Variants in LIG1 observed in about 807,000 individuals in gnomAD.
The protein encoded by LIG1 is DNA ligase 1.
LIG1 carries 70 observed loss-of-function variants against 115.7 expected under a neutral mutation model. The ratio of observed to expected loss-of-function variants is 0.60; its 90% CI spans 0.50 to 0.74. The LOEUF is 0.74. Ranked by LOEUF, LIG1 falls within the 30% of genes least tolerant of loss-of-function variation. The pLI is 0.00. For missense variants in LIG1, 1,115 were observed against 1,225.6 expected, an observed-to-expected ratio of 0.91 and a Z score of 1.35; for synonymous variants, 487 against 495.3, an observed-to-expected ratio of 0.98 and a Z score of 0.22.
chr19:48,161,120 G>GA, intron 4 of LIG1: 1 of 566,514 alleles, frequency 1.8e-6, no homozygotes, highest in Non-Finnish European at 3.2e-6. Context: ...ACCCTATGAG[G>GA]AAGGTGTTAC....
intron 9 of LIG1, 66 bp downstream of exon 9, chr19:48,149,697 G>C (rs2035344110): frequency 1.6e-6 from 2 of 1,272,562 alleles, no homozygotes; most frequent in East Asian, 4.7e-5. Flanking sequence ...CTGGGGGTGG[G>C]GCTGTCGGAA....
chr19:48,155,345 G>A (rs557629038), intron 5 of LIG1, among the ~76,000 whole-genome samples: 141 of 152,202 alleles, frequency 9.3e-4, no homozygotes, highest in Non-Finnish European at 1.2e-3. Context: ...TTCCCAGGTC[G>A]CATCCGATTC....
At position 48,123,261 on chromosome 19, in the gene LIG1, C is replaced by T; in HGVS notation, c.2062G>A (p.Glu688Lys). ...RRQLLRENFV[E>K]TEGEFVFATS... ...GCGAAGACAAACTCGCCCTCTGTCT[C>T]CACAAAGTTCTCCCGGAGCAGCTGC... Residue 688 changes from glutamate (E) to lysine (K), a missense_variant, in exon 22 of 28, where the codon GAG becomes AAG. Transcript: ENST00000263274. 1 of 1,614,150 alleles carries T rather than the reference C, an allele frequency of 6.2e-7. No individual in the cohort carries two copies. The highest frequency in any genetic ancestry group is 8.5e-7 in the Non-Finnish European group (1 of 1,180,034).
intron 9 of LIG1, among the ~76,000 whole-genome samples, chr19:48,148,914 G>A (rs2035300456): frequency 6.6e-6 from 1 of 152,248 alleles, no homozygotes; most frequent in African/African-American, 2.4e-5. Context: ...GGCTCTCTAT[G>A]GTTCATCCTC....
chr19:48,126,044 T>A (rs1481313902), intron 21 of LIG1, among the ~76,000 whole-genome samples: 1 of 152,046 alleles, frequency 6.6e-6, no homozygotes, highest in Non-Finnish European at 1.5e-5. Context: ...CTAATTTTTT[T>A]TGAGAGCTTC....
At chr19:48,131,498 G>A (rs956429521) in intron 18 of LIG1, among the ~76,000 whole-genome samples, 2 of 152,028 alleles carry the variant, frequency 1.3e-5, no homozygotes, top group Non-Finnish European at 2.9e-5. Flanking sequence ...GCGGAGTCTC[G>A]CCCAGGCTGG....
At chr19:48,153,259 T>C (rs1324119282) in intron 6 of LIG1, among the ~76,000 whole-genome samples, 1 of 151,018 alleles carries the variant, frequency 6.6e-6, no homozygotes, top group Non-Finnish European at 1.5e-5. Context: ...TATCTAATAG[T>C]TGTTTGGACA....
chr19:48,149,800 C>T lies in LIG1; in HGVS notation c.739G>A (p.Glu247Lys), dbSNP rs749385366. Residue 247 changes from glutamate (E) to lysine (K), a missense_variant, in exon 9 of 28, where the codon GAG (glutamate) becomes AAG (lysine). Transcript: ENST00000263274. ...PAVKKEVKEE[E>K]PGAPGKEGAA... ...CCCTCCTTTCCTGGAGCCCCTGGCT[C>T]CTCTTCCTTCACTTCTTTTTTGACT... 1.2e-6 allele frequency: 2 copies of T among 1,614,158 alleles called. No individual in the cohort carries two copies. The highest frequency in any genetic ancestry group is 4.5e-5 in the East Asian group (2 of 44,882).
rs1336908100 is a variant in LIG1 at position 48,123,271 on chromosome 19, C to G, written c.2052G>C (p.Glu684Asp). The change falls in exon 22 of 28, where the codon GAG becomes GAC. Residue 684 changes from glutamate to aspartate, a missense_variant. Transcript: ENST00000263274. ...PLSRRRQLLR[E>D]NFVETEGEFV... ...ACTCGCCCTCTGTCTCCACAAAGTT[C>G]TCCCGGAGCAGCTGCCGGCGCCGGG... is the stretch of plus-strand genomic sequence containing the variant. 6.2e-7 allele frequency: 1 copy of G among 1,614,118 alleles called. No homozygotes were observed. The highest frequency in any genetic ancestry group is 8.5e-7 in the Non-Finnish European group (1 of 1,180,024).
At chr19:48,147,820 TA>T (rs2035215408) in intron 9 of LIG1, among the ~76,000 whole-genome samples, 1 of 125,742 alleles carries the variant, frequency 8.0e-6, no homozygotes, top group South Asian at 2.7e-4. Context: ...CATGATTGAC[TA>T]GTGAAAAAAA....
chr19:48,161,620 C>G, intron 3 of LIG1, 113 bp from the exon 4 acceptor site: 2 of 1,274,988 alleles, frequency 1.6e-6, no homozygotes, highest in Non-Finnish European at 2.2e-6. Flanking sequence ...TTTCAAGCAT[C>G]CAATGAACAT....
At chr19:48,135,832 C>T in intron 15 of LIG1, 53 bp from the exon 16 acceptor site, 1 of 1,503,580 alleles carries the variant, frequency 6.7e-7, no homozygotes, top group Admixed American at 1.7e-5. Flanking sequence ...CTTGGCTACA[C>T]CAGGGTGCAG....
chr19:48,165,579 A>T lies in LIG1; in HGVS notation c.-13T>A, dbSNP rs777593899. The T allele has an allele frequency of 1.9e-6, 3 of 1,614,072 alleles. No individual in the cohort carries two copies. Among genetic ancestry groups the T allele is most frequent in the Non-Finnish European group, 2.5e-6 (3 of 1,179,982 alleles). ...TACTTCGCTGCATGTTGGCGTCAGA[A>T]TTCTCCCTTCCTGTCCAGCACTTTT... On this transcript the variant is annotated 5_prime_UTR_variant, in exon 2 of 28. Transcript: ENST00000263274.
intron 1 of LIG1, chr19:48,169,913 C>CG (rs1165413263): frequency 2.4e-5 from 3 of 123,634 alleles, no homozygotes; most frequent in African/African-American, 6.7e-5. Context: ...CACAGTTTTC[C>CG]CCCCCCCGGC....
chr19:48,166,400 A>G (rs1460013087), intron 1 of LIG1, among the ~76,000 whole-genome samples: 1 of 152,204 alleles, frequency 6.6e-6, no homozygotes, highest in African/African-American at 2.4e-5. Flanking sequence ...ATCTCAAAAA[A>G]CAAAAACAAA....
At chr19:48,117,900 A>G (rs1367857685) in intron 25 of LIG1, 119 bp from the exon 26 acceptor site, 25 of 977,266 alleles carry the variant, frequency 2.6e-5, no homozygotes, top group Non-Finnish European at 3.4e-5. Context: ...TGAAGTAAAC[A>G]GAAATAGGAA....
intron 23 of LIG1, 80 bp from the exon 24 acceptor site, chr19:48,121,402 G>C: frequency 1.9e-5 from 24 of 1,290,724 alleles, no homozygotes; most frequent in Non-Finnish European, 2.2e-5. Context: ...GCTCCTCAGT[G>C]GACTGAGGAG....
chr19:48,148,915 G>C (rs532363390), intron 9 of LIG1, among the ~76,000 whole-genome samples: 20 of 152,222 alleles, frequency 1.3e-4, no homozygotes, highest in Non-Finnish European at 2.9e-4. Context: ...GCTCTCTATG[G>C]TTCATCCTCG....
intron 2 of LIG1, 40 bp downstream of exon 2, chr19:48,165,510 T>C (rs182185313): frequency 1.9e-5 from 27 of 1,428,780 alleles, no homozygotes; most frequent in African/African-American, 2.8e-5. Context: ...AACAGAGGAC[T>C]TGGAGAAGGA....
Sources: allele counts gnomAD v4.1 joint callset (sites outside exome capture counted in the v4.1 genomes callset), GRCh38; gene constraint gnomAD v4.1.1; transcripts MANE v1.5; gene names NCBI Gene and HGNC (gene_info 2026-07-23, HGNC 2026-07-21).